Variants in PC observed in about 807,000 individuals in gnomAD.
PC encodes the protein pyruvate carboxylase, mitochondrial.
A neutral mutation model predicts 107.8 loss-of-function variants in PC; 46 were observed. The ratio of observed to expected loss-of-function variants is 0.43; its 90% confidence interval spans 0.34 to 0.55. The LOEUF is 0.55. Among genes scored for constraint, PC ranks in the 20% least tolerant of loss-of-function variants. The pLI is 0.04. For synonymous variants in PC, 662 were observed against 684.7 expected (o/e 0.97, Z 0.52); for missense variants, 1,241 against 1,643.1 (o/e 0.76, Z 4.23).
chr11:66,951,601 C>T (rs1452907189), intron 3 of PC, among the ~76,000 whole-genome samples: 1 of 152,044 alleles, frequency 6.6e-6, no homozygotes, highest in Non-Finnish European at 1.5e-5. Flanking sequence ...ACTAAAAATA[C>T]AAAAATTAGG....
intron 3 of PC, among the ~76,000 whole-genome samples, chr11:66,946,080 G>A (rs1229423206): frequency 4.3e-5 from 6 of 138,506 alleles, no homozygotes; most frequent in Non-Finnish European, 7.7e-5. Flanking sequence ...GCGACAGAGC[G>A]AGACTCCGTC....
chr11:66,928,263 T>G (rs758949143), intron 3 of PC, among the ~76,000 whole-genome samples: 3 of 151,830 alleles, frequency 2.0e-5, no homozygotes, highest in Non-Finnish European at 2.9e-5. Flanking sequence ...GGTGGACACC[T>G]GTAGTCCCAG....
chr11:66,851,283 G>A lies in PC; in HGVS notation c.1983-3C>T. ...TCTCTTTGGCCACTTCACAGAACCT[G>A]CAAGGGTGAGAGAGCCCAGGGCTGA... is the stretch of plus-strand genomic sequence containing the variant. On this transcript the variant is annotated splice_polypyrimidine_tract_variant and splice_region_variant and intron_variant, in intron 16 of 22. Coordinates refer to ENST00000393960, the MANE Select transcript of PC (RefSeq NM_001040716.2). 6.2e-7 allele frequency: 1 copy of A among 1,600,178 alleles called. No homozygotes were observed.
intron 12 of PC, 82 bp from the exon 13 acceptor site, chr11:66,853,465 G>A (rs1945629882): frequency 6.5e-7 from 1 of 1,535,778 alleles, no homozygotes; most frequent in Non-Finnish European, 9.0e-7. Flanking sequence ...AAAGAGAAAA[G>A]GCTGAAGATG....
Position 66,870,419 on chromosome 11 carries a change from C to A in PC, c.786G>T (p.Glu262Asp), listed in dbSNP as rs200030109. 5.8e-5 allele frequency: 93 copies of A among 1,613,732 alleles called. No homozygotes were observed. Among genetic ancestry groups the A allele is most frequent in the Admixed American group, 4.3e-4 (26 of 60,026 alleles). ...DQYGNILHLY[E>D]RDCSIQRRHQ... ...GCCGCCGCTGGATGGAGCAGTCTCG[C>A]TCGTACAGGTGCAGGATGTTCCCAT... is the stretch of plus-strand genomic sequence containing the variant. The change falls in exon 9 of 23, where the codon GAG becomes GAT. Residue 262 changes from glutamate (E) to aspartate (D), a missense_variant. Glu to Asp is a conservative substitution (Grantham distance 45, BLOSUM62 2). This residue lies in a region of PC where 1,143 missense variants were observed against 1,551.9 expected (regional missense o/e 0.74). Coordinates refer to ENST00000393960, the MANE Select transcript of PC (RefSeq NM_001040716.2). This position sits in a 1 kb window ranked among gnomAD's most constrained non-coding sequence, Gnocchi z 6.1.
Position 66,849,258 on chromosome 11 carries a change from A to G in PC, c.3260T>C (p.Ile1087Thr). 6.2e-7 allele frequency: 1 copy of G among 1,613,674 alleles called. No homozygotes were observed. Among genetic ancestry groups the G allele is most frequent in the Non-Finnish European group, 8.5e-7 (1 of 1,180,016 alleles). ...FFELNGQLRSILVKDTQAMKE... is the reference protein window; with the variant it reads ...FFELNGQLRSTLVKDTQAMKE... ...CATGGCCTGGGTGTCCTTGACCAAG[A>G]TGGACCGCAGCTGCCCATTGAGCTC... Residue 1087 changes from isoleucine (I) to threonine (T), a missense_variant, in exon 22 of 23, where the codon ATC becomes ACC. Ile to Thr is a moderately conservative substitution (Grantham distance 89). Around this residue, in one of 2 missense-constraint regions of PC, gnomAD observed 1,143 missense variants for 1,551.9 expected, o/e 0.74. Transcript: ENST00000393960.
chr11:66,931,524 C>T (rs1326870330), intron 3 of PC, among the ~76,000 whole-genome samples: 1 of 151,228 alleles, frequency 6.6e-6, no homozygotes. Context: ...TTTTAACATA[C>T]TCATATGTTT....
chr11:66,878,291 C>T (rs763462631), intron 3 of PC, among the ~76,000 whole-genome samples: 1 of 152,158 alleles, frequency 6.6e-6, no homozygotes, highest in Non-Finnish European at 1.5e-5. Context: ...GTTTACCCTG[C>T]GACCACAGGG....
At chr11:66,939,086 G>A (rs985253810) in intron 3 of PC, among the ~76,000 whole-genome samples, 3 of 152,234 alleles carry the variant, frequency 2.0e-5, no homozygotes, top group East Asian at 1.9e-4. Context: ...CACTGCCTTC[G>A]TTTACTATAT....
chr11:66,857,097 C>CACCGCT lies in PC; in HGVS notation c.1369-3720_1369-3715dup, dbSNP rs1315640064. ...GCACCCGCTCGCCTGTCGCCGCCGC[C>CACCGCT]ACCGCTAACCGCGCCGGGAAAAGGT... On this transcript the variant is annotated intron_variant, in intron 12 of 22. Coordinates refer to ENST00000393960, the MANE Select transcript of PC (RefSeq NM_001040716.2). This position sits in a 1 kb window ranked among gnomAD's most constrained non-coding sequence, Gnocchi z 7.1. 4 of 147,624 alleles carry CACCGCT rather than the reference C, an allele frequency of 2.7e-5. No individual in the cohort carries two copies. The allele number at this position is 147,624 out of a possible 1,614,324, so 9.1% of individuals were successfully genotyped here.
rs200488501 is a variant in PC, at chr11:66,851,139, G to A, written c.2124C>T (p.Gly708=). Residue 708 remains glycine (G), a synonymous_variant, in exon 17 of 23, where the codon GGC becomes GGT. Transcript: ENST00000393960. ...TGGTGCGGCTGGGGTCGGCCACGTC[G>A]CCCGTGTATGAGATGGCAGCCTCCA... The part of the protein sequence containing the change: ...GVVEAAISYT[G]DVADPSRTKY... The A allele has an allele frequency of 5.0e-5, 81 of 1,612,546 alleles. 1 individual carries two copies. In the East Asian group the frequency reaches 1.3e-3, roughly 26 times the overall value.
In PC at chr11:66,866,456, G is replaced by A. The variant is rs947190351; in HGVS notation, c.1023-107C>T. On this transcript the variant is annotated intron_variant, in intron 10 of 22. Transcript: ENST00000393960. The surrounding 1 kb of genome is among the most constrained non-coding windows in gnomAD (Gnocchi z 5.4). ...CCAGTGGGGCGTCCACACACAGTGC[G>A]ACTCCTGCCCATAGGCTCTGGGCCA... 9.9e-5 allele frequency: 80 copies of A among 809,718 alleles called. No homozygotes were observed. In the East Asian group the frequency reaches 1.5e-3, roughly 16 times the overall value. 50.2% of individuals were successfully genotyped at this position (809,718 alleles called of 1,614,324 possible).
intron 3 of PC, among the ~76,000 whole-genome samples, chr11:66,930,899 T>C (rs192475732): frequency 6.6e-6 from 1 of 152,174 alleles, no homozygotes; most frequent in African/African-American, 2.4e-5. Flanking sequence ...GCAGTGAACA[T>C]GAACAGAGCC....
At chr11:66,860,803 G>C in intron 12 of PC, 1 of 684,074 alleles carries the variant, frequency 1.5e-6, no homozygotes, top group Non-Finnish European at 2.6e-6. Flanking sequence ...CCTTCCCCAT[G>C]GCACTTCAGG....
chr11:66,860,136 G>A (rs774244225), intron 12 of PC: 26 of 1,549,620 alleles, frequency 1.7e-5, no homozygotes, highest in Middle Eastern at 1.7e-4. Context: ...GGGGCTGCTC[G>A]GGGCAGGGTG....
In PC at chr11:66,851,001, C is replaced by T. The variant is rs536606671; in HGVS notation, c.2223+39G>A. The T allele has an allele frequency of 5.5e-5, 89 of 1,610,194 alleles. No individual in the cohort carries two copies. The East Asian group carries it at 9.8e-4, about 18-fold the overall frequency. On this transcript the variant is annotated intron_variant, in intron 17 of 22. Coordinates refer to ENST00000393960, the MANE Select transcript of PC (RefSeq NM_001040716.2). ...TGCCTGTGGGTGGCGGGGACATGGC[C>T]GGGGCAGAGAGGGAGGGACGGACAA...
intron 3 of PC, among the ~76,000 whole-genome samples, chr11:66,902,814 G>A (rs886101217): frequency 6.6e-6 from 1 of 152,206 alleles, no homozygotes; most frequent in Admixed American, 6.5e-5. Flanking sequence ...CAGTGGTGCT[G>A]CCCAGCCAAC....
chr11:66,853,653 A>C (rs1465917307), intron 12 of PC, among the ~76,000 whole-genome samples: 7 of 152,166 alleles, frequency 4.6e-5, no homozygotes, highest in Admixed American at 3.9e-4. Context: ...CCCGCAGCCT[A>C]GAACAGGGCT....
intron 3 of PC, among the ~76,000 whole-genome samples, chr11:66,873,894 A>C (rs190111066): frequency 6.6e-6 from 1 of 151,678 alleles, no homozygotes; most frequent in Non-Finnish European, 1.5e-5. Context: ...CAGCCTCCCA[A>C]GTAGCTGGGA....
Sources: gnomAD v4.1 joint callset for allele counts (sites outside exome capture counted in the v4.1 genomes callset) on GRCh38, gnomAD v4.1.1 for gene constraint, gnomAD v4.1.1 regional missense constraint, Gnocchi (gnomAD v3.1) non-coding constraint, MANE v1.5 for transcripts, NCBI Gene and HGNC (gene_info 2026-07-23, HGNC 2026-07-21) for gene names.